Variants in RGS7 observed in about 807,000 individuals in gnomAD.
RGS7 encodes the protein regulator of G protein signaling 7.
Under a neutral mutation model 81.1 loss-of-function variants are expected in RGS7, and 27 were observed. The ratio of observed to expected loss-of-function variants is 0.33; its 90% confidence interval spans 0.25 to 0.46. The LOEUF is 0.46. Ranked by LOEUF, RGS7 falls within the 20% of genes least tolerant of loss-of-function variation. The pLI, the probability that RGS7 is intolerant of heterozygous loss-of-function variation, is 1.00. For synonymous variants in RGS7, 208 were observed against 207.7 expected (o/e 1.00, Z -0.01); for missense variants, 396 against 607.4 (o/e 0.65, Z 3.66).
chr1:241,068,437 C>A (rs1005977288), intron 3 of RGS7, among the ~76,000 whole-genome samples: 3 of 151,492 alleles, frequency 2.0e-5, no homozygotes, highest in Admixed American at 6.6e-5. Context: ...CATCTTCTAT[C>A]AGCAGTCAGG....
intron 2 of RGS7, among the ~76,000 whole-genome samples, chr1:241,247,207 C>T (rs968319230): frequency 8.6e-5 from 13 of 152,002 alleles, no homozygotes; most frequent in Admixed American, 3.9e-4. Context: ...TATTTACAAA[C>T]GAAAGAATAA....
intron 2 of RGS7, among the ~76,000 whole-genome samples, chr1:241,201,993 A>AACACACAGAC (rs1378473865): frequency 5.5e-5 from 6 of 109,486 alleles, no homozygotes; most frequent in Admixed American, 2.7e-4. Context: ...CAACCCTGCA[A>AACACACAGAC]ACACACAGAC....
At chr1:241,167,597 C>A (rs1292747429) in intron 2 of RGS7, among the ~76,000 whole-genome samples, 1 of 151,990 alleles carries the variant, frequency 6.6e-6, no homozygotes, top group African/African-American at 2.4e-5. Context: ...CGGCTCACTG[C>A]AACCTCCACC....
At chr1:241,302,688 T>A (rs958200371) in intron 2 of RGS7, among the ~76,000 whole-genome samples, 2 of 152,146 alleles carry the variant, frequency 1.3e-5, no homozygotes, top group African/African-American at 4.8e-5. Flanking sequence ...TAGAGAAAAA[T>A]GATAGTATAC....
intron 2 of RGS7, among the ~76,000 whole-genome samples, chr1:241,099,027 A>G (rs75359562): frequency 0.054 from 8,197 of 152,190 alleles, 718 homozygotes; most frequent in African/African-American, 0.19. Flanking sequence ...GATTTCATGT[A>G]CCTTGGTTAT....
intron 3 of RGS7, among the ~76,000 whole-genome samples, chr1:241,090,110 T>C (rs2500244): frequency 0.24 from 36,726 of 151,796 alleles, 5,968 homozygotes; most frequent in African/African-American, 0.46. Context: ...ATTGGACAGG[T>C]TTGCAATTTG....
intron 2 of RGS7, among the ~76,000 whole-genome samples, chr1:241,161,569 C>A (rs2069672820): frequency 6.8e-6 from 1 of 146,748 alleles, no homozygotes; most frequent in African/African-American, 2.6e-5. Flanking sequence ...ATAATGTGAC[C>A]ATGACACATT....
intron 2 of RGS7, among the ~76,000 whole-genome samples, chr1:241,150,116 G>A (rs1002545967): frequency 6.6e-6 from 1 of 152,228 alleles, no homozygotes; most frequent in African/African-American, 2.4e-5. Flanking sequence ...ATGCGTATGA[G>A]CTAAAGAGAT....
chr1:241,027,998 G>T (rs1363553360), intron 3 of RGS7, among the ~76,000 whole-genome samples: 1 of 152,122 alleles, frequency 6.6e-6, no homozygotes, highest in Admixed American at 6.5e-5. Context: ...AGAGGAAATA[G>T]CTTTACCTTG....
At position 241,189,886 on chromosome 1, in the gene RGS7, C is replaced by T. The variant is rs150485181; in HGVS notation, c.79-91124G>A. 7.2e-5 allele frequency among the ~76,000 whole-genome samples: 11 copies of T among 152,044 alleles called. No homozygotes were observed. In the East Asian group the frequency reaches 7.7e-4, roughly 11 times the overall value. On this transcript the variant is annotated intron_variant, in intron 2 of 18. Transcript: ENST00000440928. ...ATCCCAGCACTTTGGGAGGCCAAGG[C>T]GGGCGGATCACAAGGTCAGGAGATC... is the stretch of plus-strand genomic sequence containing the variant.
intron 14 of RGS7, among the ~76,000 whole-genome samples, chr1:240,807,307 C>T (rs1466561953): frequency 2.0e-5 from 3 of 152,044 alleles, no homozygotes; most frequent in Admixed American, 1.3e-4. Flanking sequence ...TAGAAACAAA[C>T]ACTCTACTAG....
intron 6 of RGS7, among the ~76,000 whole-genome samples, chr1:240,883,984 G>C (rs1022439948): frequency 6.7e-6 from 1 of 148,968 alleles, no homozygotes; most frequent in Non-Finnish European, 1.5e-5. Context: ...GCTGAGGCAG[G>C]AGAATCGCTC....
intron 3 of RGS7, among the ~76,000 whole-genome samples, chr1:241,020,005 G>A (rs995816580): frequency 6.6e-6 from 1 of 152,160 alleles, no homozygotes; most frequent in Admixed American, 6.5e-5. Flanking sequence ...TGACTTCTAA[G>A]TTCTTTGCAT....
intron 3 of RGS7, among the ~76,000 whole-genome samples, chr1:240,984,223 T>A (rs999163491): frequency 2.0e-5 from 3 of 152,092 alleles, no homozygotes; most frequent in African/African-American, 7.3e-5. Context: ...GCAATATTTT[T>A]GAGCAGAAGA....
intron 10 of RGS7, among the ~76,000 whole-genome samples, chr1:240,819,665 G>A (rs4659580): frequency 0.46 from 69,710 of 152,106 alleles, 17,977 homozygotes; most frequent in Non-Finnish European, 0.58. Context: ...GTGGACCCAG[G>A]AGGCAGAGGC....
chr1:240,889,059 G>T (rs531326833), intron 6 of RGS7, among the ~76,000 whole-genome samples: 1 of 152,130 alleles, frequency 6.6e-6, no homozygotes, highest in Non-Finnish European at 1.5e-5. Flanking sequence ...GGGTTCAAGC[G>T]ATTCTCCTTG....
intron 2 of RGS7, among the ~76,000 whole-genome samples, chr1:241,318,695 C>T (rs1307451808): frequency 1.3e-5 from 2 of 152,102 alleles, no homozygotes; most frequent in Admixed American, 1.3e-4. Flanking sequence ...AGGCTGGTCT[C>T]GAACTCCCGA....
At chr1:241,338,328 A>C (rs11804895) in intron 2 of RGS7, among the ~76,000 whole-genome samples, 5,827 of 152,260 alleles carry the variant, frequency 0.038, 389 homozygotes, top group African/African-American at 0.13. Flanking sequence ...ATTGAAATAA[A>C]TCTATCCAGT....
At chr1:240,894,030 CTCTT>C (rs1384109823) in intron 6 of RGS7, among the ~76,000 whole-genome samples, 2 of 152,082 alleles carry the variant, frequency 1.3e-5, no homozygotes, top group African/African-American at 2.4e-5. Context: ...GAATGGAAAA[CTCTT>C]TCAATATTGG....
Sources: allele counts gnomAD v4.1 joint callset (sites outside exome capture counted in the v4.1 genomes callset), GRCh38; gene constraint gnomAD v4.1.1; transcripts MANE v1.5; gene names NCBI Gene and HGNC (gene_info 2026-07-23, HGNC 2026-07-21).